MACROD2: variants seen among roughly 807,000 people sequenced by gnomAD.
MACROD2 encodes the protein ADP-ribose glycohydrolase MACROD2.
In MACROD2, 36 loss-of-function variants were observed where a neutral mutation model predicts 70.4. The observed-to-expected ratio is 0.51, with a 90% CI of 0.39 to 0.68. The LOEUF is 0.68. Ranked by LOEUF, MACROD2 falls within the 30% of genes least tolerant of loss-of-function variation. MACROD2 has a pLI of 0.00. For synonymous variants in MACROD2, 172 were observed against 178.8 expected (o/e 0.96, Z 0.30); for missense variants, 496 against 538.4 (o/e 0.92, Z 0.78).
intron 5 of MACROD2, among the ~76,000 whole-genome samples, chr20:15,217,164 G>A (rs114711221): frequency 0.012 from 1,770 of 152,210 alleles, 27 homozygotes; most frequent in African/African-American, 0.039. Context: ...GACATAATTG[G>A]TTAATATGTA....
chr20:14,766,674 T>A (rs1354189222), intron 5 of MACROD2, among the ~76,000 whole-genome samples: 1 of 152,140 alleles, frequency 6.6e-6, no homozygotes, highest in Non-Finnish European at 1.5e-5. Flanking sequence ...GAAGACAACA[T>A]ATTCAAAATG....
At chr20:14,612,867 C>A (rs1473211574) in intron 4 of MACROD2, among the ~76,000 whole-genome samples, 1 of 152,032 alleles carries the variant, frequency 6.6e-6, no homozygotes, top group Non-Finnish European at 1.5e-5. Context: ...TACTACTTAA[C>A]AAAAATCATT....
At chr20:15,019,695 A>G (rs1021399973) in intron 5 of MACROD2, among the ~76,000 whole-genome samples, 1 of 152,190 alleles carries the variant, frequency 6.6e-6, no homozygotes, top group African/African-American at 2.4e-5. Flanking sequence ...TACTAATAAA[A>G]GAAAAAAATG....
At chr20:14,662,171 C>A (rs558460882) in intron 4 of MACROD2, among the ~76,000 whole-genome samples, 1 of 152,026 alleles carries the variant, frequency 6.6e-6, no homozygotes, top group African/African-American at 2.4e-5. Context: ...GAATAGAGAA[C>A]CCAGTAATAA....
At chr20:14,097,565 G>C (rs572043343) in intron 3 of MACROD2, among the ~76,000 whole-genome samples, 1 of 152,288 alleles carries the variant, frequency 6.6e-6, no homozygotes, top group South Asian at 2.1e-4. Flanking sequence ...CTTGGAGTCA[G>C]ATCAATCATT....
intron 3 of MACROD2, among the ~76,000 whole-genome samples, chr20:14,101,752 C>A (rs2054304517): frequency 6.6e-6 from 1 of 151,136 alleles, no homozygotes; most frequent in Admixed American, 6.6e-5. Flanking sequence ...CTTCCAGGAG[C>A]TTTGTTTTGG....
intron 5 of MACROD2, among the ~76,000 whole-genome samples, chr20:14,701,231 A>G (rs972502660): frequency 1.1e-4 from 16 of 152,232 alleles, no homozygotes; most frequent in African/African-American, 3.9e-4. Context: ...TGTCACTGCT[A>G]TCTATATTCT....
intron 5 of MACROD2, among the ~76,000 whole-genome samples, chr20:14,728,269 A>G (rs911548939): frequency 1.3e-5 from 2 of 152,216 alleles, no homozygotes; most frequent in Admixed American, 1.3e-4. Context: ...GTGTTAATTC[A>G]TAAGTGGATA....
At chr20:14,613,302 C>T (rs1051232870) in intron 4 of MACROD2, among the ~76,000 whole-genome samples, 4 of 152,098 alleles carry the variant, frequency 2.6e-5, no homozygotes, top group African/African-American at 9.7e-5. Flanking sequence ...CAGAACCATG[C>T]TTTATGCTTA....
At chr20:15,995,243 A>G (rs1421961718) in intron 15 of MACROD2, among the ~76,000 whole-genome samples, 1 of 152,104 alleles carries the variant, frequency 6.6e-6, no homozygotes, top group Non-Finnish European at 1.5e-5. Context: ...GAAATTATAT[A>G]GACACTATCA....
At chr20:15,078,467 A>G (rs944330585) in intron 5 of MACROD2, among the ~76,000 whole-genome samples, 2 of 152,194 alleles carry the variant, frequency 1.3e-5, no homozygotes, top group African/African-American at 2.4e-5. Flanking sequence ...ACTGCTCAGG[A>G]TGACAAAGTG....
chr20:15,138,770 T>G (rs763597153), intron 5 of MACROD2, among the ~76,000 whole-genome samples: 10 of 152,202 alleles, frequency 6.6e-5, no homozygotes, highest in Non-Finnish European at 1.5e-4. Flanking sequence ...AATTAATGTG[T>G]TGAGGGCTGT....
chr20:14,274,064 G>A (rs1487523051), intron 3 of MACROD2, among the ~76,000 whole-genome samples: 1 of 152,260 alleles, frequency 6.6e-6, no homozygotes, highest in Middle Eastern at 3.4e-3. Flanking sequence ...TCTACCAGAG[G>A]TACAAAGAGG....
chr20:15,183,067 T>C (rs1601188931), intron 5 of MACROD2, among the ~76,000 whole-genome samples: 1 of 152,198 alleles, frequency 6.6e-6, no homozygotes, highest in East Asian at 1.9e-4. Context: ...TATAGAGGTA[T>C]TTGGTTGCAT....
chr20:14,835,887 G>T lies in MACROD2; in HGVS notation c.418+150928G>T, dbSNP rs369675802. On this transcript the variant is annotated intron_variant, in intron 5 of 17. Coordinates refer to ENST00000684519, the MANE Select transcript of MACROD2 (RefSeq NM_001351661.2). ...ACCATTTTCTTAGCTACACTCTTCC[G>T]CATGTAGCTTATTTAGGAAAAGTCG... 9.5e-4 allele frequency among the ~76,000 whole-genome samples: 144 copies of T among 152,080 alleles called. 3 individuals are homozygous for T. The highest frequency in any genetic ancestry group is 1.5e-3 in the Non-Finnish European group (103 of 67,962).
chr20:15,441,021 T>C (rs915851831), intron 7 of MACROD2, among the ~76,000 whole-genome samples: 3 of 152,192 alleles, frequency 2.0e-5, no homozygotes, highest in African/African-American at 7.2e-5. Flanking sequence ...GAAAATGCAG[T>C]GCTGGGGCCA....
At chr20:14,602,878 G>A (rs1982584303) in intron 4 of MACROD2, among the ~76,000 whole-genome samples, 1 of 152,154 alleles carries the variant, frequency 6.6e-6, no homozygotes. Context: ...TGCATGTATG[G>A]ATTCCAGTAT....
At chr20:14,311,554 G>A (rs1057222111) in intron 3 of MACROD2, among the ~76,000 whole-genome samples, 7 of 152,028 alleles carry the variant, frequency 4.6e-5, no homozygotes, top group Admixed American at 2.6e-4. Context: ...AGTTCACTCC[G>A]TCACCCAGGC....
chr20:15,824,239 GTC>G (rs139724335), intron 8 of MACROD2, among the ~76,000 whole-genome samples: 268 of 148,042 alleles, frequency 1.8e-3, no homozygotes, highest in Admixed American at 2.3e-3. Context: ...TATCTTAAGT[GTC>G]TCTCTCTCTC....
Sources: allele counts gnomAD v4.1 joint callset (sites outside exome capture counted in the v4.1 genomes callset), GRCh38; gene constraint gnomAD v4.1.1; transcripts MANE v1.5; gene names NCBI Gene and HGNC (gene_info 2026-07-23, HGNC 2026-07-21).